DDX27: variants seen among roughly 807,000 people sequenced by gnomAD.
DDX27 encodes the protein DEAD-box helicase 27.
DDX27 carries 42 observed loss-of-function variants against 99.3 expected under a neutral mutation model. The ratio of observed to expected loss-of-function variants is 0.42; its 90% CI spans 0.33 to 0.55. The LOEUF (loss-of-function observed/expected upper bound fraction) is 0.55. DDX27 is among the 20% of genes least tolerant of loss of function. The pLI is 0.07. For missense variants in DDX27, 798 were observed against 976.8 expected, an observed-to-expected ratio of 0.82 and a Z score of 2.44; for synonymous variants, 329 against 353.8, an observed-to-expected ratio of 0.93 and a Z score of 0.79.
intron 11 of DDX27, 97 bp downstream of exon 11, chr20:49,233,806 C>T: frequency 2.9e-6 from 4 of 1,399,778 alleles, no homozygotes; most frequent in South Asian, 2.5e-5. Flanking sequence ...TGCGCCTCTG[C>T]CGTCCAGTCT....
At chr20:49,224,890 A>T in intron 4 of DDX27, 55 bp from the exon 5 acceptor site, 1 of 1,598,522 alleles carries the variant, frequency 6.3e-7, no homozygotes, top group Non-Finnish European at 8.6e-7. Context: ...GTCCAGCAGG[A>T]TGCAAGTGCT....
intron 1 of DDX27, among the ~76,000 whole-genome samples, chr20:49,221,146 G>C (rs901791702): frequency 2.0e-5 from 3 of 152,184 alleles, no homozygotes; most frequent in African/African-American, 7.2e-5. Context: ...ATTTTTAGTA[G>C]AGACAGGGTT....
At chr20:49,241,826 C>T (rs767241660) in intron 16 of DDX27, 67 bp from the exon 17 acceptor site, 73 of 1,546,030 alleles carry the variant, frequency 4.7e-5, no homozygotes, top group Non-Finnish European at 6.1e-5. Context: ...AAAACGTGCA[C>T]TTCTTATCGT....
In DDX27 at chr20:49,239,049, A is replaced by G. The variant is rs759450318; in HGVS notation, c.1788A>G (p.Glu596=). Residue 596 remains glutamate, a synonymous_variant, in exon 15 of 21, where the codon GAA becomes GAG. Transcript: ENST00000618172. Reference sequence around the variant, plus strand: ...AGGAAAAAGAGATGCAGCAGTCAGAAGCCCAGGTGAGGCTGCGAGGCGGGA... The same window carrying G: ...AGGAAAAAGAGATGCAGCAGTCAGAGGCCCAGGTGAGGCTGCGAGGCGGGA... The part of the protein sequence containing the change: ...EAEEKEMQQS[E]AQINTAKRLL... 2.9e-5 allele frequency: 47 copies of G among 1,613,166 alleles called. No homozygotes were observed. Among genetic ancestry groups the G allele is most frequent in the Middle Eastern group, 1.6e-4 (1 of 6,084 alleles).
In DDX27 at chr20:49,239,310, G is replaced by A; in HGVS notation, c.1869G>A (p.Gln623=). Residue 623 remains glutamine, a synonymous_variant, in exon 16 of 21, where the codon CAG becomes CAA. Coordinates refer to ENST00000618172, the MANE Select transcript of DDX27 (RefSeq NM_017895.8). ...VVQEPERSWF[Q]TKEERKKEKI... ...AAGAGCCCGAGAGGAGCTGGTTCCA[G>A]ACCAAAGAAGAGAGGAAGAAGGAGA... 6.2e-7 allele frequency: 1 copy of A among 1,612,348 alleles called. No individual in the cohort carries two copies. Among genetic ancestry groups the A allele is most frequent in the Non-Finnish European group, 8.5e-7 (1 of 1,178,878 alleles).
At chr20:49,224,362 C>CTTTTTTT (rs10654735) in intron 4 of DDX27, among the ~76,000 whole-genome samples, 2 of 140,822 alleles carry the variant, frequency 1.4e-5, no homozygotes. Context: ...GTATTTCTTT[C>CTTTTTTT]TTTCTTTTTT....
chr20:49,242,566 A>G, intron 18 of DDX27, 28 bp from the exon 19 acceptor site: 1 of 1,605,714 alleles, frequency 6.2e-7, no homozygotes, highest in Non-Finnish European at 8.5e-7. Context: ...AAAGACAACC[A>G]TATGTAACCC....
Position 49,223,249 on chromosome 20 carries a change from A to C in DDX27, c.301-19A>C. On this transcript the variant is annotated intron_variant, in intron 3 of 20. Transcript: ENST00000618172. ...TTTCTAGAAGTTTCTCATCACCCTC[A>C]CTTTAATTTTTTTCCCAGGATAAAG... 1 of 1,600,112 alleles carries C rather than the reference A, an allele frequency of 6.2e-7. No homozygotes were observed. Among genetic ancestry groups the C allele is most frequent in the Non-Finnish European group, 8.5e-7 (1 of 1,176,038 alleles).
chr20:49,236,184 G>A lies in DDX27; in HGVS notation c.1462G>A (p.Ala488Thr). Residue 488 changes from alanine to threonine, a missense_variant, in exon 13 of 21, where the codon GCC becomes ACC. Around this residue, in one of 2 missense-constraint regions of DDX27, gnomAD observed 553 missense variants for 727.9 expected, o/e 0.76. Coordinates refer to ENST00000618172, the MANE Select transcript of DDX27 (RefSeq NM_017895.8). The surrounding 1 kb of genome is among the most constrained non-coding windows in gnomAD (Gnocchi z 4.1). ...FKDEQIDILV[A>T]TDVAARGLDI... The stretch of plus-strand genomic sequence containing the variant: ...GGATGAACAGATTGACATCCTCGTG[G>A]CCACTGATGTGGCAGCCCGTGGACT... The A allele has an allele frequency of 6.2e-7, 1 of 1,612,598 alleles. No homozygotes were observed. Among genetic ancestry groups the A allele is most frequent in the Non-Finnish European group, 8.5e-7 (1 of 1,179,312 alleles).
chr20:49,227,329 G>C (rs980680841), intron 7 of DDX27, among the ~76,000 whole-genome samples: 1 of 152,200 alleles, frequency 6.6e-6, no homozygotes, highest in Non-Finnish European at 1.5e-5. Flanking sequence ...TGATACAACA[G>C]TGTTTCCTAG....
At chr20:49,220,274 G>A (rs930301349) in intron 1 of DDX27, among the ~76,000 whole-genome samples, 18 of 152,078 alleles carry the variant, frequency 1.2e-4, no homozygotes, top group Non-Finnish European at 2.4e-4. Context: ...CGCCGCCAGT[G>A]CTCTGCAAGC....
chr20:49,243,754 A>T (rs756935952), intron 20 of DDX27, 51 bp downstream of exon 20: 1 of 1,613,908 alleles, frequency 6.2e-7, no homozygotes, highest in Non-Finnish European at 8.5e-7. Flanking sequence ...AGAGATAAAA[A>T]CCTTTCATGG....
intron 14 of DDX27, among the ~76,000 whole-genome samples, chr20:49,237,600 TG>T (rs1287819166): frequency 6.6e-6 from 1 of 152,194 alleles, no homozygotes; most frequent in East Asian, 1.9e-4. Flanking sequence ...GCTGTGGTTC[TG>T]GGAGAAAGAG....
chr20:49,228,801 G>A lies in DDX27; in HGVS notation c.793G>A (p.Val265Met). Residue 265 changes from valine to methionine, a missense_variant, in exon 8 of 21, where the codon GTG becomes ATG. Physicochemically the swap from Val to Met is conservative, Grantham distance 21. Coordinates refer to ENST00000618172, the MANE Select transcript of DDX27 (RefSeq NM_017895.8). ...TCCAGTCACCCGCGTGCTGGTGCTA[G>A]TGCCCACCCGAGAGCTGGGCATCCA... ...QAPVTRVLVL[V>M]PTRELGIQVH... The A allele has an allele frequency of 6.2e-7, 1 of 1,613,398 alleles. No homozygotes were observed. Among genetic ancestry groups the A allele is most frequent in the Non-Finnish European group, 8.5e-7 (1 of 1,179,626 alleles).
intron 18 of DDX27, 28 bp from the exon 19 acceptor site, chr20:49,242,566 A>T (rs1176338879): frequency 1.9e-6 from 3 of 1,605,596 alleles, no homozygotes; most frequent in Non-Finnish European, 2.6e-6. Context: ...AAAGACAACC[A>T]TATGTAACCC....
At position 49,221,716 on chromosome 20, in the gene DDX27, TC is replaced by T. The variant is rs370935939; in HGVS notation, c.240+120del. The stretch of plus-strand genomic sequence containing the variant: ...GTTTACATTCAGCAGATACTACAAC[TC>T]CTTTGAAAATAACTGGTTAAAAAAA... On this transcript the variant is annotated intron_variant, in intron 2 of 20. Transcript: ENST00000618172. 731 of 793,714 alleles carry T rather than the reference TC, an allele frequency of 9.2e-4. 6 individuals carry two copies. In the African/African-American group the frequency reaches 0.012, roughly 13 times the overall value. 49.2% of individuals were successfully genotyped at this position (793,714 alleles called of 1,614,324 possible).
At chr20:49,223,242 C>G in intron 3 of DDX27, 26 bp from the exon 4 acceptor site, 1 of 1,595,098 alleles carries the variant, frequency 6.3e-7, no homozygotes, top group Non-Finnish European at 8.5e-7. Context: ...AGTTTCTCAT[C>G]ACCCTCACTT....
chr20:49,236,600 C>G lies in DDX27; in HGVS notation c.1687+90C>G, dbSNP rs1980318387. On this transcript the variant is annotated intron_variant, in intron 14 of 20. Coordinates refer to ENST00000618172, the MANE Select transcript of DDX27 (RefSeq NM_017895.8). This position sits in a 1 kb window ranked among gnomAD's most constrained non-coding sequence, Gnocchi z 4.1. ...GGCTGAGAGCAGGTACTTTGCAGTTCAGAGCCAGATTTGAATTCCAGCCCT... is the reference window on the plus strand; with the variant it reads ...GGCTGAGAGCAGGTACTTTGCAGTTGAGAGCCAGATTTGAATTCCAGCCCT... 1 of 1,304,694 alleles carries G rather than the reference C, an allele frequency of 7.7e-7. No homozygotes were observed. Among genetic ancestry groups the G allele is most frequent in the Non-Finnish European group, 1.0e-6 (1 of 993,324 alleles). 80.8% of individuals were successfully genotyped at this position (1,304,694 alleles called of 1,614,324 possible).
rs773946882 is a variant in DDX27, at chr20:49,241,950, A to G, written c.1955A>G (p.Lys652Arg). Residue 652 changes from lysine (K) to arginine (R), a missense_variant, in exon 17 of 21, where the codon AAG (lysine) becomes AGG (arginine). Physicochemically the swap from Lys to Arg is conservative, Grantham distance 26. This residue lies in a region of DDX27 where 553 missense variants were observed against 727.9 expected (regional missense o/e 0.76). Coordinates refer to ENST00000618172, the MANE Select transcript of DDX27 (RefSeq NM_017895.8). ...TTAAGAGGAAAGAAGAAAAGGAAGA[A>G]GTTTATGAAGGATGCCAAAAAAAAG... ...LALRGKKKRK[K>R]FMKDAKKKGE... 3 of 1,613,834 alleles carry G rather than the reference A, an allele frequency of 1.9e-6. No individual in the cohort carries two copies. Among genetic ancestry groups the G allele is most frequent in the Non-Finnish European group, 2.5e-6 (3 of 1,179,966 alleles).
Sources: allele counts gnomAD v4.1 joint callset (sites outside exome capture counted in the v4.1 genomes callset), GRCh38; gene constraint gnomAD v4.1.1; regional missense constraint gnomAD v4.1.1; non-coding constraint Gnocchi (gnomAD v3.1); transcripts MANE v1.5; gene names NCBI Gene and HGNC (gene_info 2026-07-23, HGNC 2026-07-21).